CREB5: variants seen among roughly 807,000 people sequenced by gnomAD.
CREB5 encodes the protein cAMP responsive element binding protein 5.
In CREB5, 19 loss-of-function variants were observed where a neutral mutation model predicts 57.1. That is an observed-to-expected ratio of 0.33 (90% CI 0.23 to 0.49). The LOEUF (loss-of-function observed/expected upper bound fraction) is 0.49, where lower values mean the gene tolerates loss of function less well. Among genes scored for constraint, CREB5 ranks in the 20% least tolerant of loss-of-function variants. The pLI is 0.99. For missense variants in CREB5, 579 were observed against 671.6 expected (o/e 0.86, Z 1.52); for synonymous variants, 238 against 238.3 (o/e 1.00, Z 0.01).
At position 28,743,029 on chromosome 7, in the gene CREB5, C is replaced by T. The variant is rs145458581; in HGVS notation, c.702+18697C>T. 3.7e-3 allele frequency among the ~76,000 whole-genome samples: 559 copies of T among 152,272 alleles called. 4 individuals carry two copies. The highest frequency in any genetic ancestry group is 0.013 in the African/African-American group (528 of 41,566). On this transcript the variant is annotated intron_variant, in intron 7 of 10. Transcript: ENST00000357727. ...GAACTCCTGACCTCAAGTGATCTGCCGGCGTCGGCCTTCCAAAGTGCTGGA... is the reference window on the plus strand; with the variant it reads ...GAACTCCTGACCTCAAGTGATCTGCTGGCGTCGGCCTTCCAAAGTGCTGGA...
chr7:28,334,820 T>C (rs1785789484), intron 1 of CREB5, among the ~76,000 whole-genome samples: 1 of 152,204 alleles, frequency 6.6e-6, no homozygotes, highest in Admixed American at 6.5e-5. Context: ...TTTTTCTTAG[T>C]AGTTTCATAG....
intron 8 of CREB5, 150 bp downstream of exon 8, chr7:28,804,672 A>C (rs979808125): frequency 3.2e-6 from 3 of 937,236 alleles, no homozygotes; most frequent in Non-Finnish European, 4.9e-6. Context: ...CTAGGAGGCA[A>C]GCCTTACCCA....
intron 1 of CREB5, among the ~76,000 whole-genome samples, chr7:28,485,363 T>A (rs147795619): frequency 6.6e-5 from 10 of 152,260 alleles, no homozygotes; most frequent in African/African-American, 2.4e-4. Flanking sequence ...CTGGTAAGAA[T>A]AACATTCTAC....
chr7:28,635,798 C>T (rs1207318432), intron 5 of CREB5, among the ~76,000 whole-genome samples: 1 of 152,172 alleles, frequency 6.6e-6, no homozygotes, highest in African/African-American at 2.4e-5. Flanking sequence ...TTTCTGGGCC[C>T]AGCCACATTT....
At chr7:28,619,837 T>C (rs1797729126) in intron 5 of CREB5, among the ~76,000 whole-genome samples, 2 of 152,150 alleles carry the variant, frequency 1.3e-5, no homozygotes, top group African/African-American at 2.4e-5. Context: ...CCAGACAACC[T>C]GGATGTTGGT....
At chr7:28,352,017 T>A (rs1471858606) in intron 1 of CREB5, among the ~76,000 whole-genome samples, 1 of 152,230 alleles carries the variant, frequency 6.6e-6, no homozygotes, top group Admixed American at 6.5e-5. Context: ...TTTAAAAAAA[T>A]TATTTTTAAA....
At chr7:28,304,105 T>C (rs1465342196) in intron 1 of CREB5, among the ~76,000 whole-genome samples, 2 of 152,192 alleles carry the variant, frequency 1.3e-5, no homozygotes, top group Non-Finnish European at 2.9e-5. Flanking sequence ...AACATAAGGC[T>C]TCATCCTGTT....
chr7:28,307,200 T>C (rs1000990766), intron 1 of CREB5, among the ~76,000 whole-genome samples: 10 of 152,214 alleles, frequency 6.6e-5, no homozygotes, highest in African/African-American at 2.4e-4. Context: ...GCCAGCTCTG[T>C]GGTTTGAATA....
chr7:28,408,574 G>C (rs1787640703), upstream of CREB5, among the ~76,000 whole-genome samples: 1 of 152,140 alleles, frequency 6.6e-6, no homozygotes, highest in South Asian at 2.1e-4. Context: ...ACAGCCAAGG[G>C]CCCTTTCGGC....
intron 6 of CREB5, among the ~76,000 whole-genome samples, chr7:28,722,293 A>G (rs1803076366): frequency 6.6e-6 from 1 of 152,144 alleles, no homozygotes; most frequent in South Asian, 2.1e-4. Flanking sequence ...AATTATCTGT[A>G]CTTCTGAAAG....
rs1562798093 is a variant in CREB5, at chr7:28,560,955, T to TGCGTGCGTGC, written c.292-9409_292-9408insCGTGCGTGCG. On this transcript the variant is annotated intron_variant, in intron 4 of 10. Coordinates refer to ENST00000357727, the MANE Select transcript of CREB5 (RefSeq NM_182898.4). ...GTGTGTGCGTGCGTGTGTGTGCGTG[T>TGCGTGCGTGC]GTGTGCGTGTGTGTGTGCGTGTGTG... Among the ~76,000 whole-genome samples the TGCGTGCGTGC allele has an allele frequency of 3.6e-4, 8 of 22,176 alleles. No homozygotes were observed. The South Asian group carries it at 0.02, about 54-fold the overall frequency. The allele number at this position is 22,176 out of a possible 152,430, so 14.5% of individuals were successfully genotyped here.
At chr7:28,550,110 T>G (rs1411542376) in intron 4 of CREB5, among the ~76,000 whole-genome samples, 2 of 152,150 alleles carry the variant, frequency 1.3e-5, no homozygotes, top group Admixed American at 1.3e-4. Flanking sequence ...CTCTTTCTCC[T>G]CTTCCTCCTT....
intron 7 of CREB5, among the ~76,000 whole-genome samples, chr7:28,795,433 C>T (rs780395117): frequency 6.6e-6 from 1 of 152,138 alleles, no homozygotes; most frequent in African/African-American, 2.4e-5. Context: ...TGGTTCTAAG[C>T]CAGCTGGTAG....
chr7:28,780,338 T>C (rs1309411714), intron 7 of CREB5, among the ~76,000 whole-genome samples: 2 of 152,208 alleles, frequency 1.3e-5, no homozygotes, highest in African/African-American at 4.8e-5. Context: ...AAAACACAGC[T>C]TTCCCACTCA....
intron 1 of CREB5, among the ~76,000 whole-genome samples, chr7:28,406,252 T>C (rs1176197067): frequency 6.6e-6 from 1 of 152,186 alleles, no homozygotes. Context: ...AATTCTTCCA[T>C]GGGAGTTGGT....
rs1288475677 is a variant in CREB5 at position 28,515,835 on chromosome 7, A to G, written c.291+8098A>G. Reference sequence around the variant, plus strand: ...AAAGAGATACCTAGTAATAAGTATTATTGTAATAATTATTATTGTAAAATT... The same window carrying G: ...AAAGAGATACCTAGTAATAAGTATTGTTGTAATAATTATTATTGTAAAATT... On this transcript the variant is annotated intron_variant, in intron 4 of 10. Coordinates refer to ENST00000357727, the MANE Select transcript of CREB5 (RefSeq NM_182898.4). Among the ~76,000 whole-genome samples, 3 of 151,036 alleles carry G rather than the reference A, an allele frequency of 2.0e-5. No homozygotes were observed. In the Admixed American group the frequency reaches 2.0e-4, roughly 10 times the overall value.
chr7:28,509,899 A>C (rs1792632647), intron 4 of CREB5, among the ~76,000 whole-genome samples: 1 of 152,174 alleles, frequency 6.6e-6, no homozygotes, highest in Non-Finnish European at 1.5e-5. Context: ...ACTTGCACGC[A>C]TGGGAAGCTG....
intron 1 of CREB5, among the ~76,000 whole-genome samples, chr7:28,315,804 T>C (rs1785367784): frequency 2.6e-5 from 4 of 152,192 alleles, no homozygotes; most frequent in Admixed American, 2.6e-4. Context: ...TCTTCCAATG[T>C]GTTCCCTTCT....
At position 28,682,694 on chromosome 7, in the gene CREB5, G is replaced by GGA. The variant is rs1491335721; in HGVS notation, c.465-36059_465-36058insGA. On this transcript the variant is annotated intron_variant, in intron 5 of 10. Coordinates refer to ENST00000357727, the MANE Select transcript of CREB5 (RefSeq NM_182898.4). ...TCAAACCTAAAAGTGGGGGGGGGGG[G>GGA]AAACCCCAGCTCTCTCTAGGAAGGA... Among the ~76,000 whole-genome samples the GGA allele has an allele frequency of 2.9e-3, 343 of 119,866 alleles. 1 individual carries two copies. Among genetic ancestry groups the GGA allele is most frequent in the Non-Finnish European group, 4.6e-3 (243 of 53,150 alleles). The allele number at this position is 119,866 out of a possible 152,430, so 78.6% of individuals were successfully genotyped here. A position where few individuals can be genotyped will look rare whatever the true frequency, so the allele number is the denominator to read the frequency against.
Sources: allele counts gnomAD v4.1 joint callset (sites outside exome capture counted in the v4.1 genomes callset), GRCh38; gene constraint gnomAD v4.1.1; transcripts MANE v1.5; gene names NCBI Gene and HGNC (gene_info 2026-07-23, HGNC 2026-07-21).